Variants in TRPM3 observed in about 807,000 individuals in gnomAD.
TRPM3 encodes the protein transient receptor potential cation channel subfamily M member 3, also known as long transient receptor potential channel 3.
A neutral mutation model predicts 181.2 loss-of-function variants in TRPM3; 77 were observed. That is an observed-to-expected ratio of 0.42 (90% confidence interval 0.35 to 0.51). TRPM3 has a LOEUF of 0.51. Among genes scored for constraint, TRPM3 ranks in the 20% least tolerant of loss-of-function variants. The pLI is 0.01. For synonymous variants in TRPM3, 745 were observed against 796.4 expected (o/e 0.94, Z 1.09); for missense variants, 1,759 against 2,196.7 (o/e 0.80, Z 3.98).
At position 70,590,374 on chromosome 9, in the gene TRPM3, C is replaced by T. The variant is rs189818681; in HGVS notation, c.3223+657G>A. ...GGGGCTTGCTGGCATTCACTCCCCA[C>T]ACTGAATCGTTTCATAATATAGATA... On this transcript the variant is annotated intron_variant, in intron 22 of 25. Transcript: ENST00000677713. Among the ~76,000 whole-genome samples, 7 of 152,330 alleles carry T rather than the reference C, an allele frequency of 4.6e-5. No individual in the cohort carries two copies. In the East Asian group the frequency reaches 1.4e-3, roughly 29 times the overall value.
intron 1 of TRPM3, among the ~76,000 whole-genome samples, chr9:71,204,821 C>T (rs1276203025): frequency 6.6e-6 from 1 of 152,086 alleles, no homozygotes; most frequent in Non-Finnish European, 1.5e-5. Context: ...GCGAAATGTC[C>T]AACAATGATA....
intron 8 of TRPM3, among the ~76,000 whole-genome samples, chr9:70,683,126 C>T (rs780229038): frequency 1.2e-4 from 19 of 152,188 alleles, no homozygotes; most frequent in Non-Finnish European, 4.4e-5. Flanking sequence ...AATACGAACA[C>T]TTGACTCTTG....
chr9:71,412,574 C>T (rs2093571529), intron 1 of TRPM3, among the ~76,000 whole-genome samples: 1 of 152,092 alleles, frequency 6.6e-6, no homozygotes, highest in Admixed American at 6.5e-5. Flanking sequence ...GTTAGAATGG[C>T]AATCATTAAA....
At chr9:70,661,179 A>T (rs1260862949) in intron 9 of TRPM3, among the ~76,000 whole-genome samples, 1 of 152,162 alleles carries the variant, frequency 6.6e-6, no homozygotes, top group East Asian at 1.9e-4. Context: ...CAGAATTAAA[A>T]ACAAAAACCA....
intron 1 of TRPM3, among the ~76,000 whole-genome samples, chr9:71,338,584 G>A (rs1389535300): frequency 6.6e-6 from 1 of 151,956 alleles, no homozygotes; most frequent in Non-Finnish European, 1.5e-5. Flanking sequence ...TGAGAGATGG[G>A]GATCTCAGAA....
At chr9:71,004,737 T>A (rs1465614964) in intron 1 of TRPM3, among the ~76,000 whole-genome samples, 1 of 152,112 alleles carries the variant, frequency 6.6e-6, no homozygotes, top group African/African-American at 2.4e-5. Flanking sequence ...CTAAATGAAA[T>A]TTTGAAATAT....
intron 20 of TRPM3, among the ~76,000 whole-genome samples, chr9:70,600,081 T>A (rs1453965273): frequency 6.6e-6 from 1 of 152,158 alleles, no homozygotes; most frequent in Non-Finnish European, 1.5e-5. Flanking sequence ...TGCCTTACCT[T>A]AAACTTAGAG....
chr9:71,264,401 T>A (rs907928167), intron 1 of TRPM3, among the ~76,000 whole-genome samples: 70 of 152,198 alleles, frequency 4.6e-4, no homozygotes, highest in African/African-American at 1.5e-3. Context: ...TATACAAAAT[T>A]TTCATTTATC....
intron 1 of TRPM3, among the ~76,000 whole-genome samples, chr9:71,401,210 A>G (rs1413953166): frequency 2.6e-5 from 4 of 151,844 alleles, no homozygotes; most frequent in African/African-American, 4.8e-5. Flanking sequence ...AAAAAAAAAA[A>G]AAAAAAGAAT....
chr9:70,850,311 G>C (rs1301897529), intron 3 of TRPM3, among the ~76,000 whole-genome samples: 1 of 152,114 alleles, frequency 6.6e-6, no homozygotes, highest in Non-Finnish European at 1.5e-5. Context: ...AGAAGAGGGG[G>C]TACTGGAGTA....
chr9:71,357,444 C>T (rs909533335), intron 1 of TRPM3, among the ~76,000 whole-genome samples: 30 of 152,126 alleles, frequency 2.0e-4, no homozygotes, highest in African/African-American at 6.8e-4. Context: ...TAAGCAGACA[C>T]GTTTTATTGT....
At chr9:71,046,300 T>C (rs1445324725) in intron 1 of TRPM3, among the ~76,000 whole-genome samples, 1 of 152,184 alleles carries the variant, frequency 6.6e-6, no homozygotes, top group African/African-American at 2.4e-5. Context: ...TACACTTTTA[T>C]GACCACTAAA....
chr9:70,924,353 T>G (rs1473773221), intron 1 of TRPM3, among the ~76,000 whole-genome samples: 5 of 152,180 alleles, frequency 3.3e-5, no homozygotes, highest in Admixed American at 1.3e-4. Flanking sequence ...TACAATTATA[T>G]TGTGAATATT....
chr9:70,901,974 G>C (rs146249181), intron 1 of TRPM3, among the ~76,000 whole-genome samples: 6 of 152,138 alleles, frequency 3.9e-5, no homozygotes, highest in Non-Finnish European at 4.4e-5. Context: ...ATTAGGATAA[G>C]ATAACACAGG....
At chr9:70,668,427 G>A (rs779901679) in intron 9 of TRPM3, among the ~76,000 whole-genome samples, 3 of 152,150 alleles carry the variant, frequency 2.0e-5, no homozygotes, top group Non-Finnish European at 4.4e-5. Flanking sequence ...CACTTTGGGA[G>A]GCCGAGGCGG....
chr9:70,808,040 G>T (rs1201095021), intron 6 of TRPM3, among the ~76,000 whole-genome samples: 5 of 152,166 alleles, frequency 3.3e-5, no homozygotes, highest in Admixed American at 6.5e-5. Context: ...ATCTTGAAAT[G>T]GATGGGACAT....
At chr9:70,682,782 C>A (rs1488042172) in intron 8 of TRPM3, among the ~76,000 whole-genome samples, 1 of 152,128 alleles carries the variant, frequency 6.6e-6, no homozygotes, top group Admixed American at 6.5e-5. Flanking sequence ...CTTGAATATC[C>A]ACATTTGAGT....
intron 1 of TRPM3, among the ~76,000 whole-genome samples, chr9:71,300,024 A>G (rs1480670180): frequency 3.3e-5 from 5 of 152,100 alleles, no homozygotes; most frequent in African/African-American, 9.7e-5. Flanking sequence ...AGCATAACCC[A>G]TATGTAAAGA....
rs759870697 is a variant in TRPM3, at chr9:70,620,164, C to A, written c.2041G>T (p.Ala681Ser). Residue 681 changes from alanine to serine, a missense_variant, in exon 16 of 26, where the codon GCC (alanine) becomes TCC (serine). By Grantham distance (99) the Ala-to-Ser change is moderately conservative. Transcript: ENST00000677713. The part of the protein sequence containing the change: ...GEEAMAKALV[A>S]CKLCKAMAHE... ...GCCATGGCTTTGCAGAGCTTGCAGG[C>A]CACCAGGGCCTTGGCCATGGCCTCC... The A allele has an allele frequency of 6.2e-7, 1 of 1,614,198 alleles. No individual in the cohort carries two copies. The highest frequency in any genetic ancestry group is 1.7e-5 in the Admixed American group (1 of 60,030).
Sources: allele counts gnomAD v4.1 joint callset (sites outside exome capture counted in the v4.1 genomes callset), GRCh38; gene constraint gnomAD v4.1.1; transcripts MANE v1.5; gene names NCBI Gene and HGNC (gene_info 2026-07-23, HGNC 2026-07-21).